SYN2: variants seen among roughly 807,000 people sequenced by gnomAD.
SYN2 encodes synapsin II.
In SYN2, 19 loss-of-function variants were observed where a neutral mutation model predicts 50.9. The observed-to-expected ratio is 0.37, with a 90% CI of 0.26 to 0.55. SYN2 has a LOEUF of 0.55. Among genes scored for constraint, SYN2 ranks in the 20% least tolerant of loss-of-function variants. The pLI, the probability that SYN2 is intolerant of heterozygous loss-of-function variation, is 0.81. For synonymous variants in SYN2, 255 were observed against 224.9 expected (o/e 1.13, Z -1.20); for missense variants, 587 against 576.4 (o/e 1.02, Z -0.19).
chr3:12,033,536 AC>A (rs1694428116), intron 1 of SYN2, among the ~76,000 whole-genome samples: 1 of 152,130 alleles, frequency 6.6e-6, no homozygotes, highest in African/African-American at 2.4e-5. Flanking sequence ...TTATTTGCAT[AC>A]CATAAAATTC....
intron 1 of SYN2, chr3:12,070,552 C>A: frequency 1.5e-5 from 16 of 1,090,494 alleles, no homozygotes; most frequent in Non-Finnish European, 2.1e-5. Flanking sequence ...GTGCTGCTGA[C>A]GGAGGCCCTT....
intron 1 of SYN2, among the ~76,000 whole-genome samples, chr3:12,012,414 C>G (rs1192877982): frequency 1.3e-5 from 2 of 152,138 alleles, no homozygotes; most frequent in African/African-American, 2.4e-5. Context: ...ACATTGCTTT[C>G]AGAATATTTT....
chr3:12,058,043 A>G (rs1471050712), intron 1 of SYN2, among the ~76,000 whole-genome samples: 3 of 152,168 alleles, frequency 2.0e-5, no homozygotes, highest in Non-Finnish European at 4.4e-5. Flanking sequence ...ACAAATGCAC[A>G]TACCTAGAAT....
intron 11 of SYN2, 67 bp downstream of exon 11, chr3:12,183,439 A>G: frequency 3.7e-6 from 6 of 1,610,106 alleles, no homozygotes; most frequent in Non-Finnish European, 4.2e-6. Context: ...CAAGCTTCTT[A>G]AAATGATTGG....
intron 1 of SYN2, among the ~76,000 whole-genome samples, chr3:12,049,395 G>A (rs1694807671): frequency 6.6e-6 from 1 of 152,022 alleles, no homozygotes; most frequent in Non-Finnish European, 1.5e-5. Context: ...ACAAGTGCCT[G>A]TAATCCCAGC....
intron 10 of SYN2, among the ~76,000 whole-genome samples, chr3:12,173,523 T>C (rs1428865027): frequency 6.6e-6 from 1 of 152,160 alleles, no homozygotes; most frequent in African/African-American, 2.4e-5. Flanking sequence ...TATTGGAAAG[T>C]TGTTTTAGCC....
intron 1 of SYN2, among the ~76,000 whole-genome samples, chr3:12,021,830 C>T (rs984646741): frequency 1.3e-5 from 2 of 151,222 alleles, no homozygotes; most frequent in East Asian, 2.0e-4. Flanking sequence ...TTTGGGAGGC[C>T]GAGGTGGGCA....
chr3:12,006,546 C>G (rs1693804947), intron 1 of SYN2, among the ~76,000 whole-genome samples: 1 of 152,162 alleles, frequency 6.6e-6, no homozygotes, highest in Non-Finnish European at 1.5e-5. Flanking sequence ...CTTCACAAAA[C>G]TGAGGCTTAG....
intron 5 of SYN2, chr3:12,158,848 C>T (rs766141465): frequency 3.2e-6 from 5 of 1,565,202 alleles, no homozygotes; most frequent in Non-Finnish European, 1.7e-6. Context: ...CATGACACTG[C>T]AGATCCGCGA....
chr3:12,141,834 G>A, intron 2 of SYN2, 71 bp from the exon 3 acceptor site: 1 of 768,200 alleles, frequency 1.3e-6, no homozygotes, highest in Non-Finnish European at 2.4e-6. Context: ...TGGTAGGGAT[G>A]TTGCTGCTGC....
intron 6 of SYN2, 92 bp downstream of exon 6, chr3:12,161,700 A>G: frequency 7.1e-7 from 1 of 1,400,818 alleles, no homozygotes; most frequent in Non-Finnish European, 1.0e-6. Flanking sequence ...TCCCTCTGTC[A>G]CTGATGAATT....
chr3:12,140,211 A>G (rs912717621), intron 1 of SYN2, among the ~76,000 whole-genome samples: 1 of 152,234 alleles, frequency 6.6e-6, no homozygotes, highest in Non-Finnish European at 1.5e-5. Flanking sequence ...GGTATGAAGA[A>G]GTAAAGTGAT....
chr3:12,145,106 GAAT>G (rs1158137231), intron 3 of SYN2, among the ~76,000 whole-genome samples: 2 of 151,856 alleles, frequency 1.3e-5, no homozygotes, highest in Non-Finnish European at 2.9e-5. Context: ...GTCCAGAAAG[GAAT>G]AATAATAATA....
At chr3:12,101,409 T>G (rs1473924320) in intron 1 of SYN2, among the ~76,000 whole-genome samples, 2 of 152,178 alleles carry the variant, frequency 1.3e-5, no homozygotes, top group African/African-American at 4.8e-5. Context: ...TTGAATGATT[T>G]CATTTATATG....
At chr3:12,156,930 A>G (rs1448052445) in intron 5 of SYN2, 2 of 1,612,666 alleles carry the variant, frequency 1.2e-6, no homozygotes, top group Non-Finnish European at 8.5e-7. Context: ...AAACCCTTTG[A>G]ACATCTGACA....
rs542441144 is a variant in SYN2, at chr3:12,158,658, C to T, written c.775-2888C>T. 2,153 of 1,605,202 alleles carry T rather than the reference C, an allele frequency of 1.3e-3. 48 individuals are homozygous for T. In the South Asian group the frequency reaches 0.022, roughly 17 times the overall value. ...GTACTGCTGGCCAGATACTAATCCC[C>T]CACAACCACCCCCTGCTGTGGACCT... On this transcript the variant is annotated intron_variant, in intron 5 of 12. Transcript: ENST00000621198.
chr3:12,006,776 A>G (rs954956217), intron 1 of SYN2, among the ~76,000 whole-genome samples: 15 of 152,374 alleles, frequency 9.8e-5, no homozygotes, highest in African/African-American at 3.4e-4. Flanking sequence ...AAACAGTTAA[A>G]AAGAAATCTA....
chr3:12,154,531 A>G, intron 5 of SYN2: 1 of 1,536,704 alleles, frequency 6.5e-7, no homozygotes, highest in Non-Finnish European at 8.8e-7. Flanking sequence ...TGAAAAGCCC[A>G]GAATTGCAGC....
chr3:12,026,671 G>A (rs1375647462), intron 1 of SYN2, among the ~76,000 whole-genome samples: 1 of 152,196 alleles, frequency 6.6e-6, no homozygotes, highest in Non-Finnish European at 1.5e-5. Flanking sequence ...TGCGGATATT[G>A]TGTGTGATGA....
Sources: gnomAD v4.1 joint callset for allele counts (sites outside exome capture counted in the v4.1 genomes callset) on GRCh38, gnomAD v4.1.1 for gene constraint, MANE v1.5 for transcripts, NCBI Gene and HGNC (gene_info 2026-07-23, HGNC 2026-07-21) for gene names.